The following PTCHD1 variants were observed in gnomAD, a reference collection of about 807,000 sequenced individuals.
PTCHD1 encodes the protein patched domain containing 1, also known as patched domain-containing protein 1.
Under a neutral mutation model 34.6 loss-of-function variants are expected in PTCHD1, and 3 were observed. The ratio of observed to expected loss-of-function variants is 0.09; its 90% CI spans 0.04 to 0.22. The LOEUF is 0.22. Among genes scored for constraint, PTCHD1 ranks in the 10% least tolerant of loss-of-function variants. The pLI is 1.00. For synonymous variants in PTCHD1, 305 were observed against 283.1 expected, an observed-to-expected ratio of 1.08 and a Z score of -0.77; for missense variants, 504 against 685.5, an observed-to-expected ratio of 0.74 and a Z score of 2.96.
chrX:23,345,357 C>T (rs1431310450), intron 1 of PTCHD1, among the ~76,000 whole-genome samples: 1 of 112,211 alleles, frequency 8.9e-6, no homozygotes, highest in African/African-American at 3.2e-5. Context: ...AGGTCTGAGG[C>T]AGTAGCCCTG....
chrX:23,382,113 T>A (rs898315332), intron 2 of PTCHD1, among the ~76,000 whole-genome samples: 2 of 111,557 alleles, frequency 1.8e-5, no homozygotes, highest in South Asian at 3.8e-4. Context: ...GTTCTCAAGG[T>A]GAGGCAAAAG....
In PTCHD1 at chrX:23,401,059, T is replaced by TGTG. The variant is rs1923109990; in HGVS notation, c.*6874_*6875insGTG. The stretch of plus-strand genomic sequence containing the variant: ...TGTGTGTGTGTGTGTGTGTGTGTGT[T>TGTG]TAGTAGAGATGGGGTTTCACCGTGT... On this transcript the variant is annotated 3_prime_UTR_variant, in exon 3 of 3. Transcript: ENST00000379361. 3 of 78,226 alleles carry TGTG rather than the reference T, an allele frequency of 3.8e-5. No homozygotes were observed. Among genetic ancestry groups the TGTG allele is most frequent in the African/African-American group, 1.8e-4 (3 of 16,717 alleles). 6.4% of individuals were successfully genotyped at this position (78,226 alleles called of 1,213,427 possible). A position where few individuals can be genotyped will look rare whatever the true frequency, so the allele number is the denominator to read the frequency against.
intron 2 of PTCHD1, among the ~76,000 whole-genome samples, chrX:23,386,929 TGAGGAA>T (rs1922698306): frequency 8.9e-6 from 1 of 112,481 alleles, no homozygotes; most frequent in Non-Finnish European, 1.9e-5. Flanking sequence ...GAACTCAGGA[TGAGGAA>T]ATCCTGCTAG....
At chrX:23,337,567 A>T (rs1921202469) in intron 1 of PTCHD1, among the ~76,000 whole-genome samples, 1 of 108,234 alleles carries the variant, frequency 9.2e-6, no homozygotes, top group African/African-American at 3.4e-5. Context: ...CTTGTCCTTT[A>T]GGAAAGGTGT....
chrX:23,361,540 T>C (rs1205599893), intron 1 of PTCHD1, among the ~76,000 whole-genome samples: 2 of 111,754 alleles, frequency 1.8e-5, no homozygotes, highest in Non-Finnish European at 1.9e-5. Flanking sequence ...AGCCTATGTG[T>C]GTCTCTGCAT....
rs1922911479 is a variant in PTCHD1, at chrX:23,394,192, C to G, written c.*7C>G. ...CCAAATTACAACAGTGTGATAATGTCTGCTTGGCATATTTTCACCTTAGGT... is the reference window on the plus strand; with the variant it reads ...CCAAATTACAACAGTGTGATAATGTGTGCTTGGCATATTTTCACCTTAGGT... On this transcript the variant is annotated 3_prime_UTR_variant, in exon 3 of 3. Transcript: ENST00000379361. 1 of 1,147,058 alleles carries G rather than the reference C, an allele frequency of 8.7e-7. No individual in the cohort carries two copies. Among genetic ancestry groups the G allele is most frequent in the African/African-American group, 1.9e-5 (1 of 53,988 alleles). 94.5% of individuals were successfully genotyped at this position (1,147,058 alleles called of 1,213,427 possible). A position where few individuals can be genotyped will look rare whatever the true frequency, so the allele number is the denominator to read the frequency against.
At position 23,394,418 on chromosome X, in the gene PTCHD1, A is replaced by G. The variant is rs773119003; in HGVS notation, c.*233A>G. The G allele has an allele frequency of 2.5e-4, 73 of 290,194 alleles. No homozygotes were observed. The South Asian group carries it at 3.3e-3, about 13-fold the overall frequency. The allele number at this position is 290,194 out of a possible 1,213,427, so 23.9% of individuals were successfully genotyped here. ...AATTCACACACACATAGACACACAC[A>G]CACACACACACACACACACACACAC... On this transcript the variant is annotated 3_prime_UTR_variant, in exon 3 of 3. Coordinates refer to ENST00000379361, the MANE Select transcript of PTCHD1 (RefSeq NM_173495.3).
intron 1 of PTCHD1, among the ~76,000 whole-genome samples, chrX:23,357,975 C>A (rs1156893475): frequency 1.8e-5 from 2 of 111,665 alleles, no homozygotes; most frequent in East Asian, 2.8e-4. Flanking sequence ...CATGTCCCTA[C>A]AAAGGACATG....
At chrX:23,367,593 C>G (rs755523712) in intron 1 of PTCHD1, among the ~76,000 whole-genome samples, 10 of 111,277 alleles carry the variant, frequency 9.0e-5, no homozygotes, top group Admixed American at 2.9e-4. Context: ...CACTCCACCT[C>G]TAAAGTAGCA....
chrX:23,363,733 G>A (rs947339597), intron 1 of PTCHD1, among the ~76,000 whole-genome samples: 12 of 112,602 alleles, frequency 1.1e-4, no homozygotes, highest in African/African-American at 3.5e-4. Context: ...TGTCTTCTAC[G>A]TCGATCACGC....
chrX:23,394,403 CACATAG>C lies in PTCHD1; in HGVS notation c.*222_*227del, dbSNP rs1398368573. The C allele has an allele frequency of 4.2e-5, 14 of 332,038 alleles. No homozygotes were observed. The highest frequency in any genetic ancestry group is 4.1e-4 in the African/African-American group (10 of 24,181). 27.4% of individuals were successfully genotyped at this position (332,038 alleles called of 1,213,427 possible). ...AGGAGTTGTTATGAGAATTCACACACACATAGACACACACACACACACACACACACA... is the reference window on the plus strand; with the variant it reads ...AGGAGTTGTTATGAGAATTCACACACACACACACACACACACACACACACA... On this transcript the variant is annotated 3_prime_UTR_variant, in exon 3 of 3. Coordinates refer to ENST00000379361, the MANE Select transcript of PTCHD1 (RefSeq NM_173495.3).
intron 1 of PTCHD1, among the ~76,000 whole-genome samples, chrX:23,375,885 A>T (rs1046000247): frequency 2.7e-5 from 3 of 112,398 alleles, no homozygotes; most frequent in African/African-American, 9.7e-5. Flanking sequence ...TGATGAGAGC[A>T]AAGAAGCTAA....
chrX:23,391,320 G>A (rs1922823172), intron 2 of PTCHD1, among the ~76,000 whole-genome samples: 1 of 111,153 alleles, frequency 9.0e-6, no homozygotes, highest in South Asian at 3.8e-4. Flanking sequence ...CGCTGCTGAC[G>A]TATTATATCA....
rs747792139 is a variant in PTCHD1, at chrX:23,385,963, A to G, written c.1012+5712A>G. On this transcript the variant is annotated intron_variant, in intron 2 of 2. Transcript: ENST00000379361. ...GTATTTATATGTATACAATGTGTTT[A>G]TAACATATATTATGTAATATATATT... Among the ~76,000 whole-genome samples the G allele has an allele frequency of 1.8e-3, 205 of 111,201 alleles. 1 individual carries two copies. Among genetic ancestry groups the G allele is most frequent in the South Asian group, 4.5e-3 (12 of 2,667 alleles).
intron 1 of PTCHD1, among the ~76,000 whole-genome samples, chrX:23,342,279 TATATATATATATATATATATATATATATA>T (rs1921336006): frequency 1.0e-4 from 1 of 9,864 alleles, no homozygotes; most frequent in African/African-American, 1.8e-4. Flanking sequence ...TATATATATA[TATATATATATATATATATATATATATATA>T]TATTTTTTTT....
rs780098821 is a variant in PTCHD1, at chrX:23,334,919, C to G, written c.44C>G (p.Ser15Cys). The G allele has an allele frequency of 3.3e-6, 4 of 1,200,459 alleles. No homozygotes were observed. In the East Asian group the frequency reaches 9.1e-5, roughly 27 times the overall value. Reference protein sequence around the residue: ...VLHRGLRTCFSRLGHFIASHP... With the variant: ...VLHRGLRTCFCRLGHFIASHP... Reference sequence around the variant, plus strand: ...CACAGGGGCTTGAGGACGTGTTTCTCCCGGCTCGGCCACTTCATTGCCAGT... The same window carrying G: ...CACAGGGGCTTGAGGACGTGTTTCTGCCGGCTCGGCCACTTCATTGCCAGT... Residue 15 changes from serine (S) to cysteine (C), a missense_variant, in exon 1 of 3, where the codon TCC (serine) becomes TGC (cysteine). Transcript: ENST00000379361.
At chrX:23,344,032 C>A (rs1290146794) in intron 1 of PTCHD1, among the ~76,000 whole-genome samples, 1 of 112,402 alleles carries the variant, frequency 8.9e-6, no homozygotes, top group Non-Finnish European at 1.9e-5. Flanking sequence ...ACCTAGGCAT[C>A]TTGCTAAAAT....
In PTCHD1 at chrX:23,380,119, C is replaced by T. The variant is rs1922523674; in HGVS notation, c.880C>T (p.Arg294Cys). ...ILCCSMQDCVRSKPWLGLLGL... is the reference protein window; with the variant it reads ...ILCCSMQDCVCSKPWLGLLGL... ...GTGTTGCTCTATGCAGGACTGCGTC[C>T]GCAGCAAACCCTGGCTAGGCCTGCT... The change falls in exon 2 of 3, where the codon CGC (arginine) becomes TGC (cysteine). Residue 294 changes from arginine (R) to cysteine (C), a missense_variant. Coordinates refer to ENST00000379361, the MANE Select transcript of PTCHD1 (RefSeq NM_173495.3). The T allele has an allele frequency of 1.7e-6, 2 of 1,210,032 alleles. No homozygotes were observed. The highest frequency in any genetic ancestry group is 2.2e-6 in the Non-Finnish European group (2 of 895,046).
At chrX:23,338,807 A>G (rs1441033764) in intron 1 of PTCHD1, among the ~76,000 whole-genome samples, 5 of 112,011 alleles carry the variant, frequency 4.5e-5, no homozygotes, top group Non-Finnish European at 7.5e-5. Context: ...CAAATGAAGT[A>G]CAGTTGACCA....
Sources: gnomAD v4.1 joint callset for allele counts (sites outside exome capture counted in the v4.1 genomes callset) on GRCh38, gnomAD v4.1.1 for gene constraint, MANE v1.5 for transcripts, NCBI Gene and HGNC (gene_info 2026-07-23, HGNC 2026-07-21) for gene names.